The following LOXL2 variants were observed in gnomAD, a reference collection of about 807,000 sequenced individuals.
The protein encoded by LOXL2 is lysyl oxidase homolog 2.
In LOXL2, 70 loss-of-function variants were observed where a neutral mutation model predicts 93.0. That is an observed-to-expected ratio of 0.75 (90% confidence interval 0.62 to 0.92). LOXL2 has a LOEUF of 0.92. LOXL2 is among the 40% of genes least tolerant of loss of function. The pLI is 0.00. For synonymous variants in LOXL2, 438 were observed against 413.2 expected, an observed-to-expected ratio of 1.06 and a Z score of -0.73; for missense variants, 973 against 1,054.9, an observed-to-expected ratio of 0.92 and a Z score of 1.08.
At chr8:23,318,345 A>G (rs1382363752) in intron 8 of LOXL2, among the ~76,000 whole-genome samples, 2 of 152,048 alleles carry the variant, frequency 1.3e-5, no homozygotes, top group African/African-American at 4.8e-5. Context: ...CTTAAAAGAA[A>G]TATCTTTCTT....
chr8:23,332,199 ACACACC>A (rs1379415589), intron 5 of LOXL2, among the ~76,000 whole-genome samples: 24 of 141,404 alleles, frequency 1.7e-4, no homozygotes, highest in Non-Finnish European at 2.6e-4. Flanking sequence ...CACACCCCAC[ACACACC>A]CACACCCACC....
At chr8:23,333,827 C>G (rs190425968) in intron 4 of LOXL2, among the ~76,000 whole-genome samples, 30 of 152,302 alleles carry the variant, frequency 2.0e-4, no homozygotes, top group African/African-American at 7.0e-4. Context: ...GGGGACAGGA[C>G]GCAGAGGGTG....
rs1446556560 is a variant in LOXL2 at position 23,309,670 on chromosome 8, G to A, written c.1878C>T (p.His626=). Residue 626 remains histidine (H), a splice_region_variant and synonymous_variant, in exon 10 of 14, where the codon CAC becomes CAT. Transcript: ENST00000389131. ...GGAGGGTGGCCAGCCAGGCCTACCT[G>A]TGACAGTCGTGCCAGATCCACGCGT... The part of the protein sequence containing the change: ...GRHAWIWHDC[H]RHYHSMEVFT... 6.9e-7 allele frequency: 1 copy of A among 1,457,904 alleles called. No individual in the cohort carries two copies. Among genetic ancestry groups the A allele is most frequent in the South Asian group, 1.4e-5 (1 of 69,894 alleles). The allele number at this position is 1,457,904 out of a possible 1,614,324, so 90.3% of individuals were successfully genotyped here. A position where few individuals can be genotyped will look rare whatever the true frequency, so the allele number is the denominator to read the frequency against.
chr8:23,397,960 C>CAAA (rs11295140), intron 1 of LOXL2, among the ~76,000 whole-genome samples: 14 of 90,990 alleles, frequency 1.5e-4, no homozygotes, highest in South Asian at 4.1e-4. Flanking sequence ...GACTCTGTCT[C>CAAA]AAAAAAAAAA....
At chr8:23,343,695 CCACAGCAGAAGGAATG>C (rs1182487632) in intron 3 of LOXL2, among the ~76,000 whole-genome samples, 3 of 152,232 alleles carry the variant, frequency 2.0e-5, no homozygotes, top group African/African-American at 7.2e-5. Flanking sequence ...TTCCTTTCCA[CCACAGCAGAAGGAATG>C]CTGCCAGGGG....
chr8:23,385,248 T>C (rs1223340342), intron 1 of LOXL2, among the ~76,000 whole-genome samples: 4 of 149,394 alleles, frequency 2.7e-5, no homozygotes, highest in South Asian at 2.1e-4. Flanking sequence ...TTTTTTCTTT[T>C]TTTTTTTTTT....
At chr8:23,299,071 G>A (rs1316171575) in intron 12 of LOXL2, 124 bp from the exon 13 acceptor site, 4 of 625,512 alleles carry the variant, frequency 6.4e-6, no homozygotes, top group Non-Finnish European at 1.2e-5. Context: ...GACCCAAGAC[G>A]GGGGTCTGTG....
Position 23,319,995 on chromosome 8 carries a change from T to C in LOXL2, c.1360A>G (p.Arg454Gly), listed in dbSNP as rs906901053. ...YEGRVEVLVE[R>G]NGSLVWGMVC... The stretch of plus-strand genomic sequence containing the variant: ...ATCCCCCACACAAGGGACCCGTTTC[T>C]CTCCACCAGCACCTCCACTCGGCCC... Residue 454 changes from arginine (R) to glycine (G), a missense_variant, in exon 8 of 14, where the codon AGA becomes GGA. Coordinates refer to ENST00000389131, the MANE Select transcript of LOXL2 (RefSeq NM_002318.3). The C allele has an allele frequency of 1.9e-6, 3 of 1,613,866 alleles. No individual in the cohort carries two copies. In the African/African-American group the frequency reaches 4.0e-5, roughly 22 times the overall value.
chr8:23,317,917 C>T (rs62503970), intron 8 of LOXL2, among the ~76,000 whole-genome samples: 84,217 of 146,252 alleles, frequency 0.58, 25,730 homozygotes, highest in Non-Finnish European at 0.7. Context: ...TTCTCGGGAT[C>T]GTCAGAGACA....
In LOXL2 at chr8:23,309,837, G is replaced by A; in HGVS notation, c.1711C>T (p.Leu571=). ...CAGTTCTCCTCCATGGCACACTGCA[G>A]CATGAACATGGGCCGGTCCTCCAGG... ...TYLEDRPMFM[L]QCAMEENCLS... is the part of the protein sequence containing the mutation. The change falls in exon 10 of 14, where the codon CTG becomes TTG. Residue 571 remains leucine, a synonymous_variant. Coordinates refer to ENST00000389131, the MANE Select transcript of LOXL2 (RefSeq NM_002318.3). The A allele has an allele frequency of 6.2e-7, 1 of 1,600,114 alleles. No homozygotes were observed. The highest frequency in any genetic ancestry group is 1.1e-5 in the South Asian group (1 of 88,692).
chr8:23,307,729 A>C (rs1308913887), intron 10 of LOXL2, among the ~76,000 whole-genome samples: 1 of 152,192 alleles, frequency 6.6e-6, no homozygotes, highest in Non-Finnish European at 1.5e-5. Context: ...GCCAAGCACC[A>C]AAACCGTCAT....
At chr8:23,399,351 T>C (rs1800130011) in intron 1 of LOXL2, among the ~76,000 whole-genome samples, 1 of 152,164 alleles carries the variant, frequency 6.6e-6, no homozygotes, top group South Asian at 2.1e-4. Flanking sequence ...CTCCAAAAAA[T>C]TCATGTTGAA....
rs141573724 is a variant in LOXL2 at position 23,304,358 on chromosome 8, A to G, written c.1881-961T>C. Among the ~76,000 whole-genome samples, 158 of 152,348 alleles carry G rather than the reference A, an allele frequency of 1.0e-3. 1 individual carries two copies. Among genetic ancestry groups the G allele is most frequent in the African/African-American group, 3.3e-3 (139 of 41,582 alleles). The stretch of plus-strand genomic sequence containing the variant: ...AAACGGGGCTGTCGCCTGTTGCTGC[A>G]GGGCCTTCCCGAAGCCTGCACTGCC... On this transcript the variant is annotated intron_variant, in intron 10 of 13. Transcript: ENST00000389131.
chr8:23,355,103 T>C (rs28621439), intron 3 of LOXL2, among the ~76,000 whole-genome samples: 34,214 of 150,892 alleles, frequency 0.23, 5,226 homozygotes, highest in African/African-American at 0.43. Context: ...TCTGCCACCA[T>C]GCCCAGCTAA....
intron 3 of LOXL2, among the ~76,000 whole-genome samples, chr8:23,357,638 C>T (rs1804221693): frequency 1.3e-5 from 2 of 151,636 alleles, no homozygotes; most frequent in South Asian, 2.1e-4. Context: ...GATGTTTTGG[C>T]CTGTCTTATT....
chr8:23,306,622 G>A (rs761916626), intron 10 of LOXL2, among the ~76,000 whole-genome samples: 9 of 152,264 alleles, frequency 5.9e-5, no homozygotes, highest in Non-Finnish European at 1.3e-4. Flanking sequence ...GGTAGGCAGG[G>A]TGGAGTGAAA....
chr8:23,373,198 C>A (rs911725532), intron 1 of LOXL2, among the ~76,000 whole-genome samples: 5 of 152,178 alleles, frequency 3.3e-5, no homozygotes, highest in African/African-American at 1.2e-4. Flanking sequence ...ATACCTCAGG[C>A]CCTGCTGGGA....
intron 5 of LOXL2, among the ~76,000 whole-genome samples, chr8:23,330,419 CCT>C (rs1563192181): frequency 2.0e-5 from 3 of 152,116 alleles, no homozygotes; most frequent in African/African-American, 4.8e-5. Context: ...CTGGCTGCAA[CCT>C]CTGTTTTCTG....
At chr8:23,389,269 G>A (rs1320581712) in intron 1 of LOXL2, among the ~76,000 whole-genome samples, 1 of 152,142 alleles carries the variant, frequency 6.6e-6, no homozygotes, top group Non-Finnish European at 1.5e-5. Flanking sequence ...GAAGGAATGT[G>A]AAAGGCCTAC....
Sources: allele counts gnomAD v4.1 joint callset (sites outside exome capture counted in the v4.1 genomes callset), GRCh38; gene constraint gnomAD v4.1.1; transcripts MANE v1.5; gene names NCBI Gene and HGNC (gene_info 2026-07-23, HGNC 2026-07-21).